The following SUCLA2 variants were observed in gnomAD, a reference collection of about 807,000 sequenced individuals.
SUCLA2 encodes succinate-CoA ligase ADP-forming subunit beta, also known as succinate--CoA ligase [ADP-forming] subunit beta, mitochondrial.
In SUCLA2, 30 loss-of-function variants were observed where a neutral mutation model predicts 54.8. The observed-to-expected ratio is 0.55, with a 90% CI of 0.41 to 0.74. The LOEUF (loss-of-function observed/expected upper bound fraction) is 0.74, where lower values mean the gene tolerates loss of function less well. Among genes scored for constraint, SUCLA2 ranks in the 30% least tolerant of loss-of-function variants. The pLI is 0.00. For missense variants in SUCLA2, 476 were observed against 562.9 expected, an observed-to-expected ratio of 0.85 and a Z score of 1.56; for synonymous variants, 172 against 188.9, an observed-to-expected ratio of 0.91 and a Z score of 0.74.
chr13:47,989,386 T>G (rs1396046429), intron 2 of SUCLA2, among the ~76,000 whole-genome samples: 1 of 152,014 alleles, frequency 6.6e-6, no homozygotes, highest in Non-Finnish European at 1.5e-5. Context: ...AATTTTTTTG[T>G]ATTTTTAGTA....
chr13:47,980,752 C>A (rs28865575), intron 4 of SUCLA2, among the ~76,000 whole-genome samples: 5,013 of 151,920 alleles, frequency 0.033, 289 homozygotes, highest in African/African-American at 0.11. Context: ...ACATATAGAC[C>A]AATGGAATAG....
chr13:47,969,298 T>A, intron 5 of SUCLA2, among the ~76,000 whole-genome samples: 1 of 152,164 alleles, frequency 6.6e-6, no homozygotes. Context: ...GTATAATTTA[T>A]AAAGAGTGTC....
In SUCLA2 at chr13:47,943,766, G is replaced by GTGTGTATATATATATA. The variant is rs1300486540; in HGVS notation, c.1318-322_1318-321insTATATATATATACACA. ...TGTATGTGTGTGTGTGTGTGTGTGTGTATATATATATATATTATTCTAAAT... is the reference window on the plus strand; with the variant it reads ...TGTATGTGTGTGTGTGTGTGTGTGTGTGTGTATATATATATATATATATATATATATTATTCTAAAT... On this transcript the variant is annotated intron_variant, in intron 10 of 10. Transcript: ENST00000646932. Among the ~76,000 whole-genome samples, 363 of 139,628 alleles carry GTGTGTATATATATATA rather than the reference G, an allele frequency of 2.6e-3. 2 individuals carry two copies. Among genetic ancestry groups the GTGTGTATATATATATA allele is most frequent in the East Asian group, 0.011 (49 of 4,610 alleles). The allele number at this position is 139,628 out of a possible 152,430, so 91.6% of individuals were successfully genotyped here. A position where few individuals can be genotyped will look rare whatever the true frequency, so the allele number is the denominator to read the frequency against.
intron 4 of SUCLA2, among the ~76,000 whole-genome samples, chr13:47,986,014 T>C (rs1372219312): frequency 6.7e-6 from 1 of 150,034 alleles, no homozygotes; most frequent in African/African-American, 2.4e-5. Flanking sequence ...CACATGTGTG[T>C]TGGCCATATG....
rs145273457 is a variant in SUCLA2, at chr13:47,973,183, A to G, written c.663+81T>C. On this transcript the variant is annotated intron_variant, in intron 5 of 10. Coordinates refer to ENST00000646932, the MANE Select transcript of SUCLA2 (RefSeq NM_003850.3). ...TCAAAATGTTTAAATAAGTTTTGAC[A>G]ATTACTTCAGTTGTACGGTTATCTT... is the stretch of plus-strand genomic sequence containing the variant. The G allele has an allele frequency of 2.0e-3, 2,520 of 1,240,146 alleles. 4 individuals are homozygous for G. The highest frequency in any genetic ancestry group is 2.6e-3 in the Non-Finnish European group (2,237 of 851,974). 76.8% of individuals were successfully genotyped at this position (1,240,146 alleles called of 1,614,324 possible).
chr13:47,994,712 C>A (rs1950177435), intron 2 of SUCLA2: 1 of 414,230 alleles, frequency 2.4e-6, no homozygotes, highest in Non-Finnish European at 3.2e-6. Context: ...ACACTATAAT[C>A]ATCATTTGCA....
intron 5 of SUCLA2, among the ~76,000 whole-genome samples, chr13:47,970,231 A>G (rs889470257): frequency 6.6e-6 from 1 of 152,194 alleles, no homozygotes; most frequent in African/African-American, 2.4e-5. Flanking sequence ...ACCTAAAAAA[A>G]CAAAAACTAA....
chr13:47,961,919 G>A (rs1304790413), intron 6 of SUCLA2, among the ~76,000 whole-genome samples: 1 of 152,162 alleles, frequency 6.6e-6, no homozygotes, highest in Non-Finnish European at 1.5e-5. Context: ...AGGAGTTCAT[G>A]AAAAGGATTC....
chr13:47,964,050 T>G (rs9591125), intron 6 of SUCLA2, among the ~76,000 whole-genome samples: 16,899 of 152,116 alleles, frequency 0.11, 1,360 homozygotes, highest in African/African-American at 0.23. Flanking sequence ...AATAGAAAAC[T>G]ACCGGAAATA....
intron 2 of SUCLA2, 118 bp from the exon 3 acceptor site, chr13:47,989,099 ATGTCC>A: frequency 2.0e-6 from 2 of 996,742 alleles, no homozygotes; most frequent in Admixed American, 1.9e-5. Context: ...TTTATTCACA[ATGTCC>A]AAAAATAAGG....
chr13:47,992,284 C>T (rs1054711831), intron 2 of SUCLA2, among the ~76,000 whole-genome samples: 3 of 151,204 alleles, frequency 2.0e-5, no homozygotes, highest in South Asian at 2.1e-4. Context: ...TTCTCTTCCC[C>T]GCAAAGTGTC....
At chr13:47,970,817 G>A (rs2137718298) in intron 5 of SUCLA2, among the ~76,000 whole-genome samples, 1 of 152,160 alleles carries the variant, frequency 6.6e-6, no homozygotes, top group South Asian at 2.1e-4. Context: ...CCAAGATCAT[G>A]CCACTGCACT....
rs1177717192 is a variant in SUCLA2 at position 47,993,947 on chromosome 13, CTGCTTGAACCCAGGAGGCAGAGGT to C, written c.271+2872_271+2895del. Among the ~76,000 whole-genome samples the C allele has an allele frequency of 4.7e-3, 708 of 151,196 alleles. 4 individuals are homozygous for C. The highest frequency in any genetic ancestry group is 0.016 in the African/African-American group (649 of 41,238). On this transcript the variant is annotated intron_variant, in intron 2 of 10. Transcript: ENST00000646932. ...TACTCAGGAGGCTGAGGCAGGAGAA[CTGCTTGAACCCAGGAGGCAGAGGT>C]TGCTTGAACCCAGGAGGCGGAGGTT... is the stretch of plus-strand genomic sequence containing the variant.
In SUCLA2 at chr13:47,961,814, T is replaced by C. The variant is rs549917883; in HGVS notation, c.802+6781A>G. On this transcript the variant is annotated intron_variant, in intron 6 of 10. Coordinates refer to ENST00000646932, the MANE Select transcript of SUCLA2 (RefSeq NM_003850.3). ...CTTATCAACTGTGTCTTTATGACTG[T>C]CTTATGACTTTCAACATCCACAATT... Among the ~76,000 whole-genome samples, 5 of 152,356 alleles carry C rather than the reference T, an allele frequency of 3.3e-5. No individual in the cohort carries two copies. The South Asian group carries it at 1.0e-3, about 32-fold the overall frequency.
chr13:47,990,103 T>C (rs1010330764), intron 2 of SUCLA2, among the ~76,000 whole-genome samples: 6 of 152,138 alleles, frequency 3.9e-5, no homozygotes, highest in African/African-American at 1.4e-4. Context: ...ATCCCAGCCC[T>C]TTGAGAGGCT....
chr13:47,983,616 A>G (rs1950076289), intron 4 of SUCLA2, among the ~76,000 whole-genome samples: 1 of 151,766 alleles, frequency 6.6e-6, no homozygotes, highest in African/African-American at 2.4e-5. Flanking sequence ...CAGCCTCCGG[A>G]GTAGCTGGGA....
chr13:47,968,785 C>T, intron 5 of SUCLA2, 52 bp from the exon 6 acceptor site: 6 of 1,583,464 alleles, frequency 3.8e-6, no homozygotes, highest in Non-Finnish European at 5.2e-6. Flanking sequence ...GTCTAATCAA[C>T]ATTACTATAA....
At position 47,996,993 on chromosome 13, in the gene SUCLA2, G is replaced by C. The variant is rs1950197011; in HGVS notation, c.121C>G (p.His41Asp). Residue 41 changes from histidine (H) to aspartate (D), a missense_variant, in exon 2 of 11, where the codon CAT becomes GAT. His to Asp is a moderately conservative substitution (Grantham distance 81, BLOSUM62 -1). Around this residue, in one of 2 missense-constraint regions of SUCLA2, gnomAD observed 134 missense variants for 118.7 expected, o/e 1.13. Coordinates refer to ENST00000646932, the MANE Select transcript of SUCLA2 (RefSeq NM_003850.3). ...VLGSSGLFNN[H>D]GLQVQQQQQR... ...TGTTGCTGCTGTACTTGGAGTCCAT[G>C]GTTATTAAACAATCCAGAACTTCCC... 3 of 1,614,046 alleles carry C rather than the reference G, an allele frequency of 1.9e-6. No individual in the cohort carries two copies. The highest frequency in any genetic ancestry group is 8.5e-7 in the Non-Finnish European group (1 of 1,180,002).
At chr13:47,981,207 A>G (rs921618018) in intron 4 of SUCLA2, among the ~76,000 whole-genome samples, 4 of 152,182 alleles carry the variant, frequency 2.6e-5, no homozygotes, top group African/African-American at 9.6e-5. Context: ...TCTAGTTAAA[A>G]GCTGAAATTC....
Sources: gnomAD v4.1 joint callset for allele counts (sites outside exome capture counted in the v4.1 genomes callset) on GRCh38, gnomAD v4.1.1 for gene constraint, gnomAD v4.1.1 regional missense constraint, MANE v1.5 for transcripts, NCBI Gene and HGNC (gene_info 2026-07-23, HGNC 2026-07-21) for gene names.